ROBO2: variants seen among roughly 807,000 people sequenced by gnomAD.
The protein encoded by ROBO2 is roundabout guidance receptor 2.
Under a neutral mutation model 160.8 loss-of-function variants are expected in ROBO2, and 53 were observed. That is an observed-to-expected ratio of 0.33 (90% CI 0.26 to 0.41). The LOEUF (loss-of-function observed/expected upper bound fraction) is 0.41, where lower values mean the gene tolerates loss of function less well. Among genes scored for constraint, ROBO2 ranks in the 10% least tolerant of loss-of-function variants. The pLI is 1.00. For missense variants in ROBO2, 1,577 were observed against 1,722.4 expected (o/e 0.92, Z 1.49); for synonymous variants, 664 against 611.7 (o/e 1.09, Z -1.26).
intron 2 of ROBO2, among the ~76,000 whole-genome samples, chr3:76,905,856 G>A (rs3884325): frequency 0.2 from 30,818 of 152,086 alleles, 3,430 homozygotes; most frequent in Admixed American, 0.28. Flanking sequence ...ATATTTGTCA[G>A]AATCAGTACA....
chr3:77,515,871 G>A (rs2089964917), intron 5 of ROBO2, among the ~76,000 whole-genome samples: 1 of 151,548 alleles, frequency 6.6e-6, no homozygotes, highest in South Asian at 2.1e-4. Flanking sequence ...ATTAAAATTA[G>A]GACATTAGAC....
intron 2 of ROBO2, among the ~76,000 whole-genome samples, chr3:76,361,085 T>G (rs549266277): frequency 6.6e-6 from 1 of 152,252 alleles, no homozygotes; most frequent in African/African-American, 2.4e-5. Flanking sequence ...AATGACATGT[T>G]GAAAACATTG....
chr3:77,157,844 C>T (rs1212727679), intron 2 of ROBO2, among the ~76,000 whole-genome samples: 1 of 151,992 alleles, frequency 6.6e-6, no homozygotes. Context: ...CATGTCAGTG[C>T]ATATATATTT....
intron 2 of ROBO2, among the ~76,000 whole-genome samples, chr3:76,967,545 A>G (rs2059367485): frequency 7.8e-6 from 1 of 128,600 alleles, no homozygotes; most frequent in South Asian, 2.4e-4. Flanking sequence ...TTTTTTAAAC[A>G]ATGTTATGCT....
In ROBO2 at chr3:77,408,420, A is replaced by G. The variant is rs116544578; in HGVS notation, c.389-68994A>G. On this transcript the variant is annotated intron_variant, in intron 2 of 25. Transcript: ENST00000461745. Reference sequence around the variant, plus strand: ...CTAGTCTTATAATTTACCAATCATAATAGAATCTGTACTCTTGCCAAAGAC... The same window carrying G: ...CTAGTCTTATAATTTACCAATCATAGTAGAATCTGTACTCTTGCCAAAGAC... Among the ~76,000 whole-genome samples the G allele has an allele frequency of 7.2e-3, 1,095 of 152,312 alleles. 13 individuals are homozygous for G. Among genetic ancestry groups the G allele is most frequent in the African/African-American group, 0.025 (1,024 of 41,576 alleles).
chr3:76,192,611 C>T lies in ROBO2; in HGVS notation c.109+255009C>T, dbSNP rs142984987. Among the ~76,000 whole-genome samples the T allele has an allele frequency of 2.3e-3, 343 of 150,968 alleles. 1 individual carries two copies. Among genetic ancestry groups the T allele is most frequent in the African/African-American group, 8.0e-3 (331 of 41,138 alleles). Reference sequence around the variant, plus strand: ...TTTTTTACATTTATACCCATCGTGTCCTCCTGTTAAGCAGAAGTTGTTCTT... The same window carrying T: ...TTTTTTACATTTATACCCATCGTGTTCTCCTGTTAAGCAGAAGTTGTTCTT... On this transcript the variant is annotated intron_variant, in intron 2 of 26. Transcript: ENST00000487694.
rs187614393 is a variant in ROBO2, at chr3:75,955,786, T to C, written c.109+18184T>C. On this transcript the variant is annotated intron_variant, in intron 2 of 26. Transcript: ENST00000487694. ...GTTAGATGTCGTGGTGTGGGAGATA[T>C]GTTTATAGGAGTTTAAAGCACAGAT... 3.9e-3 allele frequency among the ~76,000 whole-genome samples: 588 copies of C among 151,798 alleles called. 4 individuals are homozygous for C. The highest frequency in any genetic ancestry group is 6.1e-3 in the Non-Finnish European group (412 of 67,804).
rs138360565 is a variant in ROBO2, at chr3:77,616,778, T to G, written c.3294-735T>G. 3.1e-3 allele frequency among the ~76,000 whole-genome samples: 469 copies of G among 152,290 alleles called. 3 individuals carry two copies. Among genetic ancestry groups the G allele is most frequent in the African/African-American group, 8.4e-3 (348 of 41,560 alleles). ...AACTTTTTGGATTAATTTTCTATAT[T>G]CACAGACCACAGTCCCTAAAAAAAT... On this transcript the variant is annotated intron_variant, in intron 21 of 25. Coordinates refer to ENST00000461745, the Ensembl canonical transcript of ROBO2.
chr3:77,036,305 G>C (rs887556397), upstream of ROBO2, among the ~76,000 whole-genome samples: 44 of 151,970 alleles, frequency 2.9e-4, no homozygotes, highest in African/African-American at 9.7e-4. Context: ...CTACATGGCA[G>C]TATATGTTAA....
chr3:75,995,613 C>T (rs1045382542), intron 2 of ROBO2, among the ~76,000 whole-genome samples: 70 of 152,080 alleles, frequency 4.6e-4, no homozygotes, highest in African/African-American at 1.6e-3. Context: ...CCTACTGGTG[C>T]ACTGCCTAGT....
At chr3:76,555,632 C>A (rs74389940) in intron 2 of ROBO2, among the ~76,000 whole-genome samples, 2 of 152,072 alleles carry the variant, frequency 1.3e-5, no homozygotes, top group Admixed American at 1.3e-4. Flanking sequence ...TTTCCCATGA[C>A]TTAAGTTGAG....
intron 20 of ROBO2, among the ~76,000 whole-genome samples, chr3:77,606,203 G>A (rs1383404683): frequency 7.8e-6 from 1 of 128,860 alleles, no homozygotes. Context: ...TTTGCTCTAA[G>A]ATAGAGGATA....
intron 2 of ROBO2, among the ~76,000 whole-genome samples, chr3:77,463,535 T>C (rs747541431): frequency 6.6e-6 from 1 of 151,948 alleles, no homozygotes; most frequent in Non-Finnish European, 1.5e-5. Context: ...TGAAAAATTT[T>C]ATATATGGGA....
intron 2 of ROBO2, among the ~76,000 whole-genome samples, chr3:76,106,373 T>C (rs1049824553): frequency 3.3e-5 from 5 of 152,164 alleles, no homozygotes; most frequent in African/African-American, 1.2e-4. Flanking sequence ...TATACACATA[T>C]AGGTTGATAA....
chr3:77,557,931 C>T lies in ROBO2; in HGVS notation c.1232-13C>T, dbSNP rs1284586859. 3 of 1,609,510 alleles carry T rather than the reference C, an allele frequency of 1.9e-6. No individual in the cohort carries two copies. The highest frequency in any genetic ancestry group is 1.3e-5 in the African/African-American group (1 of 74,688). On this transcript the variant is annotated splice_polypyrimidine_tract_variant and intron_variant, in intron 8 of 25. Transcript: ENST00000461745. ...TTGATGTTAAAATACCTGAAAAGAG[C>T]TTTATTCTTCAGTTTTGACAGATAG...
At chr3:77,303,519 G>T (rs775721281) in intron 2 of ROBO2, among the ~76,000 whole-genome samples, 1 of 152,116 alleles carries the variant, frequency 6.6e-6, no homozygotes, top group South Asian at 2.1e-4. Context: ...AGCATCTACT[G>T]TGTGGACTTA....
chr3:76,158,444 C>G (rs1404865704), intron 2 of ROBO2, among the ~76,000 whole-genome samples: 1 of 130,088 alleles, frequency 7.7e-6, no homozygotes, highest in Non-Finnish European at 1.7e-5. Context: ...TGATACTATA[C>G]CCCTAAAAAA....
intron 2 of ROBO2, among the ~76,000 whole-genome samples, chr3:77,267,500 T>C (rs2059203621): frequency 6.6e-6 from 1 of 152,152 alleles, no homozygotes; most frequent in South Asian, 2.1e-4. Flanking sequence ...TCCACCACCC[T>C]GGACAAGACA....
intron 2 of ROBO2, among the ~76,000 whole-genome samples, chr3:76,024,919 A>G (rs1290277254): frequency 6.6e-6 from 1 of 150,558 alleles, no homozygotes; most frequent in East Asian, 1.9e-4. Flanking sequence ...ATAAAAGTAT[A>G]TGTATGTGTG....
Sources: allele counts gnomAD v4.1 joint callset (sites outside exome capture counted in the v4.1 genomes callset), GRCh38; gene constraint gnomAD v4.1.1; transcripts MANE v1.5; gene names NCBI Gene and HGNC (gene_info 2026-07-23, HGNC 2026-07-21).